The following MAP2K5 variants were observed in gnomAD, a reference collection of about 807,000 sequenced individuals.
The protein encoded by MAP2K5 is dual specificity mitogen-activated protein kinase kinase 5.
MAP2K5 carries 49 observed loss-of-function variants against 83.1 expected under a neutral mutation model. The ratio of observed to expected loss-of-function variants is 0.59; its 90% CI spans 0.47 to 0.75. The LOEUF (loss-of-function observed/expected upper bound fraction) is 0.75. Ranked by LOEUF, MAP2K5 falls within the 30% of genes least tolerant of loss-of-function variation. The pLI, the probability that MAP2K5 is intolerant of heterozygous loss-of-function variation, is 0.00. For synonymous variants in MAP2K5, 202 were observed against 191.8 expected, an observed-to-expected ratio of 1.05 and a Z score of -0.44; for missense variants, 457 against 557.5, an observed-to-expected ratio of 0.82 and a Z score of 1.82.
intron 13 of MAP2K5, among the ~76,000 whole-genome samples, chr15:67,675,042 G>A (rs374743527): frequency 4.6e-5 from 7 of 152,142 alleles, no homozygotes; most frequent in Admixed American, 1.3e-4. Context: ...TTAAAAAAAA[G>A]AGAAAGAAAG....
chr15:67,680,315 A>T (rs995559622), intron 13 of MAP2K5, among the ~76,000 whole-genome samples: 19 of 152,062 alleles, frequency 1.2e-4, no homozygotes, highest in Admixed American at 1.2e-3. Flanking sequence ...CTGTATTTTC[A>T]TTTCTCTTGA....
chr15:67,782,938 C>T lies in MAP2K5; in HGVS notation c.1242+10186C>T, dbSNP rs2090353609. On this transcript the variant is annotated intron_variant, in intron 21 of 21. Coordinates refer to ENST00000178640, the MANE Select transcript of MAP2K5 (RefSeq NM_145160.3). The surrounding 1 kb of genome is among the most constrained non-coding windows in gnomAD (Gnocchi z 4.9). The stretch of plus-strand genomic sequence containing the variant: ...CTTTTCAGCTCTCCTGTGCAGGCAG[C>T]AGTGCTGCATCATCTGGAAAGTGGG... Among the ~76,000 whole-genome samples the T allele has an allele frequency of 6.6e-6, 1 of 152,244 alleles. No homozygotes were observed. Among genetic ancestry groups the T allele is most frequent in the Non-Finnish European group, 1.5e-5 (1 of 68,044 alleles).
At chr15:67,546,717 C>A in intron 1 of MAP2K5, 1 of 541,572 alleles carries the variant, frequency 1.8e-6, no homozygotes, top group Non-Finnish European at 2.4e-6. Flanking sequence ...GCCCAACCCT[C>A]TCCCCTCTTC....
intron 9 of MAP2K5, chr15:67,642,300 C>A: frequency 1.7e-6 from 1 of 593,438 alleles, no homozygotes; most frequent in Non-Finnish European, 2.9e-6. Context: ...ACTTACTAGG[C>A]ACTACTGTGA....
rs2086609229 is a variant in MAP2K5 at position 67,636,614 on chromosome 15, A to G, written c.585+5687A>G. On this transcript the variant is annotated intron_variant, in intron 9 of 21. Transcript: ENST00000178640. The surrounding 1 kb of genome is among the most constrained non-coding windows in gnomAD (Gnocchi z 4.7). ...ATTAAGAAAGTAAAGGAATAAGAGA[A>G]TAGCTACTCTGCTTGAGCAGAGCAG... Among the ~76,000 whole-genome samples the G allele has an allele frequency of 6.6e-6, 1 of 152,106 alleles. No homozygotes were observed. Among genetic ancestry groups the G allele is most frequent in the South Asian group, 2.1e-4 (1 of 4,818 alleles).
At chr15:67,615,813 G>T (rs968469701) in intron 8 of MAP2K5, among the ~76,000 whole-genome samples, 6 of 151,944 alleles carry the variant, frequency 3.9e-5, no homozygotes, top group South Asian at 2.1e-4. Flanking sequence ...AATTAATCTC[G>T]CAAGGTACTA....
chr15:67,799,079 G>A (rs2090656507), intron 21 of MAP2K5, among the ~76,000 whole-genome samples: 1 of 152,250 alleles, frequency 6.6e-6, no homozygotes. Flanking sequence ...TGAGGCAGGA[G>A]AATTGCTTGA....
chr15:67,686,083 AAAG>A (rs1490977971), intron 13 of MAP2K5, among the ~76,000 whole-genome samples: 1 of 152,232 alleles, frequency 6.6e-6, no homozygotes, highest in Non-Finnish European at 1.5e-5. Context: ...GAAAGCAGGA[AAAG>A]AAGAGAAAAA....
intron 19 of MAP2K5, among the ~76,000 whole-genome samples, chr15:67,766,524 C>T (rs11071958): frequency 0.28 from 43,228 of 152,078 alleles, 6,591 homozygotes; most frequent in African/African-American, 0.39. Context: ...GTAGCAGCAA[C>T]TGCTTTACTA....
chr15:67,589,414 G>A (rs1000741679), intron 6 of MAP2K5, among the ~76,000 whole-genome samples: 3 of 152,190 alleles, frequency 2.0e-5, no homozygotes, highest in African/African-American at 7.2e-5. Context: ...TGCACATGGT[G>A]TTCCTAGGCC....
chr15:67,765,370 T>TA (rs397964561), intron 19 of MAP2K5, among the ~76,000 whole-genome samples: 2 of 151,792 alleles, frequency 1.3e-5, no homozygotes, highest in Admixed American at 6.6e-5. Flanking sequence ...AAAATTTTTT[T>TA]AAAAAGTATA....
chr15:67,565,392 G>C lies in MAP2K5; in HGVS notation c.252+2042G>C, dbSNP rs2084816980. On this transcript the variant is annotated intron_variant, in intron 3 of 21. Coordinates refer to ENST00000178640, the MANE Select transcript of MAP2K5 (RefSeq NM_145160.3). This position sits in a 1 kb window ranked among gnomAD's most constrained non-coding sequence, Gnocchi z 4.1. ...TTACAGGCACCCACCACCATGCCTG[G>C]CTAATTTTTGTATTTTTAGTAGAGA... 6.6e-6 allele frequency among the ~76,000 whole-genome samples: 1 copy of C among 152,004 alleles called. No individual in the cohort carries two copies. Among genetic ancestry groups the C allele is most frequent in the Non-Finnish European group, 1.5e-5 (1 of 67,998 alleles).
intron 16 of MAP2K5, among the ~76,000 whole-genome samples, chr15:67,707,758 G>A (rs1308040198): frequency 1.3e-5 from 2 of 152,184 alleles, no homozygotes; most frequent in South Asian, 2.1e-4. Context: ...TTGCCACTAG[G>A]AGAAAGAGGG....
intron 2 of MAP2K5, among the ~76,000 whole-genome samples, chr15:67,558,334 A>G (rs569515136): frequency 3.9e-5 from 6 of 152,322 alleles, no homozygotes; most frequent in Admixed American, 1.3e-4. Flanking sequence ...TGTTGGCTCT[A>G]TCTTCAAATT....
rs577421155 is a variant in MAP2K5, at chr15:67,733,951, G to A, written c.1074+6006G>A. 2.0e-5 allele frequency among the ~76,000 whole-genome samples: 3 copies of A among 152,326 alleles called. No individual in the cohort carries two copies. The East Asian group carries it at 5.8e-4, about 29-fold the overall frequency. On this transcript the variant is annotated intron_variant, in intron 17 of 21. Transcript: ENST00000178640. ...TATCAAAGTATGAGAGGAGCTGTAG[G>A]TGGCATTTGCTTCAGAACCTCCTGC...
rs1166751237 is a variant in MAP2K5 at position 67,737,687 on chromosome 15, G to C, written c.1074+9742G>C. Among the ~76,000 whole-genome samples, 3 of 152,048 alleles carry C rather than the reference G, an allele frequency of 2.0e-5. No individual in the cohort carries two copies. The East Asian group carries it at 5.8e-4, about 29-fold the overall frequency. The stretch of plus-strand genomic sequence containing the variant: ...GAGCTAGGAAAGGAGGCAGTTGTCT[G>C]TTTATGCACAGAGCCAAGGTGTCAT... On this transcript the variant is annotated intron_variant, in intron 17 of 21. Transcript: ENST00000178640.
In MAP2K5 at chr15:67,757,158, C is replaced by T. The variant is rs1691204059; in HGVS notation, c.1134+8557C>T. ...TAATGGCTATACCAATTTACATTCC[C>T]ATGAACAGTGTATAAGGGTTCCCTT... On this transcript the variant is annotated intron_variant, in intron 19 of 21. Transcript: ENST00000178640. This position sits in a 1 kb window ranked among gnomAD's most constrained non-coding sequence, Gnocchi z 4.9. Among the ~76,000 whole-genome samples, 1 of 152,130 alleles carries T rather than the reference C, an allele frequency of 6.6e-6. No individual in the cohort carries two copies. The highest frequency in any genetic ancestry group is 1.5e-5 in the Non-Finnish European group (1 of 68,038).
intron 3 of MAP2K5, among the ~76,000 whole-genome samples, chr15:67,568,879 G>A (rs1316429103): frequency 1.3e-5 from 2 of 151,542 alleles, no homozygotes; most frequent in Non-Finnish European, 2.9e-5. Context: ...GGTGGCATGC[G>A]CCTGTAGTCC....
intron 20 of MAP2K5, among the ~76,000 whole-genome samples, chr15:67,771,259 T>A (rs1596946534): frequency 6.6e-6 from 1 of 152,114 alleles, no homozygotes; most frequent in Middle Eastern, 3.2e-3. Context: ...AACCATGCGA[T>A]TCCTCTACTG....
Sources: gnomAD v4.1 joint callset for allele counts (sites outside exome capture counted in the v4.1 genomes callset) on GRCh38, gnomAD v4.1.1 for gene constraint, Gnocchi (gnomAD v3.1) non-coding constraint, MANE v1.5 for transcripts, NCBI Gene and HGNC (gene_info 2026-07-23, HGNC 2026-07-21) for gene names.